WASF3: variants seen among roughly 807,000 people sequenced by gnomAD.
The protein encoded by WASF3 is actin-binding protein WASF3.
WASF3 carries 11 observed loss-of-function variants against 46.6 expected under a neutral mutation model. That is an observed-to-expected ratio of 0.24 (90% CI 0.15 to 0.39). The LOEUF (loss-of-function observed/expected upper bound fraction) is 0.39. Among genes scored for constraint, WASF3 ranks in the 10% least tolerant of loss-of-function variants. The probability of loss-of-function intolerance (pLI) is 1.00; values close to 1 mark genes in which losing one functional copy is unlikely to be tolerated. For missense variants in WASF3, 576 were observed against 669.8 expected (o/e 0.86, Z 1.55); for synonymous variants, 242 against 259.7 (o/e 0.93, Z 0.65).
At chr13:26,644,479 C>T (rs974255536) in intron 3 of WASF3, among the ~76,000 whole-genome samples, 1 of 152,154 alleles carries the variant, frequency 6.6e-6, no homozygotes, top group African/African-American at 2.4e-5. Context: ...TACGCTACTG[C>T]AGTGCATCTC....
At chr13:26,577,611 G>C in intron 1 of WASF3, 1 of 1,156,736 alleles carries the variant, frequency 8.6e-7, no homozygotes, top group Non-Finnish European at 1.3e-6. Flanking sequence ...AAAGCCACTG[G>C]GAGCAAGACA....
chr13:26,637,486 C>T (rs1406727925), intron 2 of WASF3, among the ~76,000 whole-genome samples: 2 of 152,224 alleles, frequency 1.3e-5, no homozygotes, highest in Non-Finnish European at 2.9e-5. Flanking sequence ...GCTTTTCATT[C>T]TGTCTGCCCA....
intron 7 of WASF3, among the ~76,000 whole-genome samples, 197 bp downstream of exon 7, chr13:26,676,921 C>T (rs909325853): frequency 3.3e-5 from 5 of 152,046 alleles, no homozygotes; most frequent in Non-Finnish European, 5.9e-5. Context: ...ACATTGGGTT[C>T]CTTTGATTTT....
intron 1 of WASF3, among the ~76,000 whole-genome samples, chr13:26,605,762 C>T (rs184538030): frequency 4.8e-4 from 73 of 152,198 alleles, no homozygotes; most frequent in African/African-American, 1.6e-3. Context: ...CCTTTGGAAA[C>T]CAATTATATT....
chr13:26,561,286 A>C (rs1566035074), intron 1 of WASF3, among the ~76,000 whole-genome samples: 2 of 152,014 alleles, frequency 1.3e-5, no homozygotes, highest in Non-Finnish European at 2.9e-5. Flanking sequence ...AAGCAGGGAA[A>C]TTTGAGGAGG....
At chr13:26,622,136 G>A (rs539932646) in intron 2 of WASF3, among the ~76,000 whole-genome samples, 3 of 152,304 alleles carry the variant, frequency 2.0e-5, no homozygotes, top group Admixed American at 2.0e-4. Flanking sequence ...ATGTTTTAGT[G>A]CTATCATGCA....
upstream of WASF3, among the ~76,000 whole-genome samples, chr13:26,554,081 TTCCTTCCTTCCTTCC>T (rs1566032428): frequency 1.7e-5 from 2 of 114,832 alleles, no homozygotes; most frequent in Admixed American, 9.1e-5. Context: ...CCTTCCTTCC[TTCCTTCCTTCCTTCC>T]TTCTTTCTTT....
At chr13:26,584,783 T>A (rs970099841) in intron 1 of WASF3, among the ~76,000 whole-genome samples, 2 of 152,240 alleles carry the variant, frequency 1.3e-5, no homozygotes, top group African/African-American at 4.8e-5. Flanking sequence ...TGAAGGCATA[T>A]ACGTGACAAG....
At chr13:26,668,405 T>A (rs1882833842) in intron 5 of WASF3, among the ~76,000 whole-genome samples, 1 of 152,178 alleles carries the variant, frequency 6.6e-6, no homozygotes. Context: ...CTCTGTACCC[T>A]CTTGTGGAGC....
At position 26,679,336 on chromosome 13, in the gene WASF3, CCCCCGT is replaced by C. The variant is rs1883158202; in HGVS notation, c.717-1715_717-1710del. Among the ~76,000 whole-genome samples, 1 of 152,162 alleles carries C rather than the reference CCCCCGT, an allele frequency of 6.6e-6. No individual in the cohort carries two copies. Among genetic ancestry groups the C allele is most frequent in the African/African-American group, 2.4e-5 (1 of 41,430 alleles). ...ACTGACCAGTCCCCTCTTCCCCCAG[CCCCCGT>C]CCTCCTGATGGGCACCCTTCATCAG... On this transcript the variant is annotated intron_variant, in intron 7 of 9. Transcript: ENST00000335327. This position sits in a 1 kb window ranked among gnomAD's most constrained non-coding sequence, Gnocchi z 4.8.
At chr13:26,632,857 A>G (rs537363945) in intron 2 of WASF3, among the ~76,000 whole-genome samples, 95 of 152,154 alleles carry the variant, frequency 6.2e-4, no homozygotes, top group South Asian at 5.6e-3. Flanking sequence ...AGAGCCTGTT[A>G]TTGGTCTAGT....
intron 1 of WASF3, among the ~76,000 whole-genome samples, chr13:26,597,194 GCA>G (rs1245770847): frequency 1.3e-5 from 2 of 152,068 alleles, no homozygotes; most frequent in East Asian, 1.9e-4. Flanking sequence ...GTGCAGTGGT[GCA>G]ATCTCATCCC....
intron 1 of WASF3, among the ~76,000 whole-genome samples, chr13:26,592,756 C>G (rs566578404): frequency 2.3e-4 from 35 of 152,132 alleles, no homozygotes; most frequent in Non-Finnish European, 4.6e-4. Flanking sequence ...TTCTCTCCCT[C>G]TAATATGAAG....
At chr13:26,590,546 A>G (rs1398449377) in intron 1 of WASF3, among the ~76,000 whole-genome samples, 1 of 151,834 alleles carries the variant, frequency 6.6e-6, no homozygotes, top group Non-Finnish European at 1.5e-5. Flanking sequence ...AGTAATCTGG[A>G]TGGGATTTAA....
intron 1 of WASF3, among the ~76,000 whole-genome samples, chr13:26,604,770 G>T (rs1395838111): frequency 6.6e-6 from 1 of 152,158 alleles, no homozygotes; most frequent in East Asian, 1.9e-4. Context: ...CTTTTTACTT[G>T]GGTTGGATTT....
chr13:26,626,907 C>A (rs1475714413), intron 2 of WASF3, among the ~76,000 whole-genome samples: 2 of 152,130 alleles, frequency 1.3e-5, no homozygotes, highest in African/African-American at 4.8e-5. Flanking sequence ...GACAAATACA[C>A]AATTATTGTT....
intron 1 of WASF3, among the ~76,000 whole-genome samples, chr13:26,560,200 C>T (rs1434293440): frequency 1.3e-5 from 2 of 152,042 alleles, no homozygotes; most frequent in African/African-American, 2.4e-5. Context: ...TGCTCTTGGG[C>T]ATGTGGAACT....
chr13:26,562,155 G>A (rs1352500397), intron 1 of WASF3, among the ~76,000 whole-genome samples: 1 of 152,238 alleles, frequency 6.6e-6, no homozygotes, highest in Non-Finnish European at 1.5e-5. Flanking sequence ...AATGGAAGCT[G>A]TTGGAGTAGA....
intron 1 of WASF3, among the ~76,000 whole-genome samples, chr13:26,599,215 G>A (rs144593779): frequency 3.1e-4 from 36 of 116,226 alleles, no homozygotes; most frequent in African/African-American, 9.5e-4. Context: ...ACGGAGTCTT[G>A]CTCTGTCACC....
Sources: allele counts gnomAD v4.1 joint callset (sites outside exome capture counted in the v4.1 genomes callset), GRCh38; gene constraint gnomAD v4.1.1; non-coding constraint Gnocchi (gnomAD v3.1); transcripts MANE v1.5; gene names NCBI Gene and HGNC (gene_info 2026-07-23, HGNC 2026-07-21).